Variants in GRIA3 observed in about 807,000 individuals in gnomAD.
GRIA3 encodes glutamate ionotropic receptor AMPA type subunit 3.
A neutral mutation model predicts 63.0 loss-of-function variants in GRIA3; 3 were observed. That is an observed-to-expected ratio of 0.05 (90% CI 0.02 to 0.12). The LOEUF is 0.12. Ranked by LOEUF, GRIA3 falls within the 10% of genes least tolerant of loss-of-function variation. The pLI is 1.00. For synonymous variants in GRIA3, 274 were observed against 257.9 expected (o/e 1.06, Z -0.60); for missense variants, 347 against 700.9 (o/e 0.50, Z 5.70).
intron 12 of GRIA3, among the ~76,000 whole-genome samples, chrX:123,459,783 T>C (rs2147426658): frequency 9.1e-6 from 1 of 109,761 alleles, no homozygotes; most frequent in African/African-American, 3.3e-5. Flanking sequence ...GTCCCTTTTA[T>C]TGCCTTCTTT....
In GRIA3 at chrX:123,351,737, G is replaced by A. The variant is rs188176299; in HGVS notation, c.697-3173G>A. Among the ~76,000 whole-genome samples, 49 of 111,883 alleles carry A rather than the reference G, an allele frequency of 4.4e-4. No homozygotes were observed. The East Asian group carries it at 6.5e-3, about 15-fold the overall frequency. ...GCAGCTTTTAATTTACTGTGAACTG[G>A]AAAACCAAGATTGGTAAGAACTATA... On this transcript the variant is annotated intron_variant, in intron 4 of 15. Transcript: ENST00000620443.
intron 3 of GRIA3, among the ~76,000 whole-genome samples, chrX:123,280,568 C>T (rs2044580245): frequency 8.9e-6 from 1 of 111,923 alleles, no homozygotes; most frequent in African/African-American, 3.2e-5. Context: ...CTAGTTTGGT[C>T]TACTTTTGGC....
At chrX:123,300,360 CTTTTTTTTTTT>C (rs147031319) in intron 3 of GRIA3, among the ~76,000 whole-genome samples, 9 of 22,511 alleles carry the variant, frequency 4.0e-4, no homozygotes, top group Non-Finnish European at 6.5e-4. Context: ...TGGTCCTGGG[CTTTTTTTTTTT>C]TTTTTTTTTT....
chrX:123,351,653 C>G (rs1050898191), intron 4 of GRIA3, among the ~76,000 whole-genome samples: 1 of 111,859 alleles, frequency 8.9e-6, no homozygotes, highest in Non-Finnish European at 1.9e-5. Flanking sequence ...ACTTCCACTG[C>G]TACTAATGTA....
intron 2 of GRIA3, among the ~76,000 whole-genome samples, chrX:123,210,796 T>G (rs1928023393): frequency 8.9e-6 from 1 of 112,172 alleles, no homozygotes; most frequent in Admixed American, 9.4e-5. Flanking sequence ...CTTGCTTTTC[T>G]TCTTTATCTA....
chrX:123,228,021 C>T (rs1200351918), intron 2 of GRIA3, among the ~76,000 whole-genome samples: 3 of 112,249 alleles, frequency 2.7e-5, no homozygotes. Flanking sequence ...AGCCTTTCAG[C>T]TCCTCCTGTC....
intron 2 of GRIA3, among the ~76,000 whole-genome samples, chrX:123,195,897 G>A (rs1051193893): frequency 7.2e-5 from 8 of 111,418 alleles, no homozygotes; most frequent in African/African-American, 2.3e-4. Flanking sequence ...AATACTTGTG[G>A]TGCCATGTAC....
chrX:123,395,932 A>G (rs913455181), intron 6 of GRIA3, among the ~76,000 whole-genome samples: 1 of 110,658 alleles, frequency 9.0e-6, no homozygotes, highest in African/African-American at 3.3e-5. Context: ...GTGGTACGAA[A>G]TAGGGGATCA....
intron 12 of GRIA3, among the ~76,000 whole-genome samples, chrX:123,464,389 T>G (rs1283160552): frequency 9.0e-6 from 1 of 111,690 alleles, no homozygotes; most frequent in East Asian, 2.8e-4. Flanking sequence ...AGGAGGTACT[T>G]TCTTACAATA....
At chrX:123,477,433 G>A (rs1231162327) in intron 13 of GRIA3, among the ~76,000 whole-genome samples, 2 of 111,917 alleles carry the variant, frequency 1.8e-5, no homozygotes, top group Admixed American at 1.9e-4. Flanking sequence ...CTATATTTCT[G>A]TAAATCTCTT....
At position 123,301,166 on chromosome X, in the gene GRIA3, T is replaced by C. The variant is rs141343738; in HGVS notation, c.509-24860T>C. On this transcript the variant is annotated intron_variant, in intron 3 of 15. Coordinates refer to ENST00000620443, the MANE Select transcript of GRIA3 (RefSeq NM_007325.5). ...TCTGTTGTTTTTGGGTAGAGAGTTC[T>C]GTAGATATCTATCAGGTCCGTTTGG... is the stretch of plus-strand genomic sequence containing the variant. 6.6e-3 allele frequency among the ~76,000 whole-genome samples: 733 copies of C among 111,341 alleles called. 6 individuals are homozygous for C. The East Asian group carries it at 0.069, about 10-fold the overall frequency.
chrX:123,262,429 T>C (rs1200321722), intron 3 of GRIA3, among the ~76,000 whole-genome samples: 1 of 111,474 alleles, frequency 9.0e-6, no homozygotes, highest in Non-Finnish European at 1.9e-5. Context: ...GACAGTATCC[T>C]TCTCCACGCT....
chrX:123,235,342 C>T (rs1036763745), intron 2 of GRIA3, among the ~76,000 whole-genome samples: 5 of 111,911 alleles, frequency 4.5e-5, no homozygotes, highest in East Asian at 2.8e-4. Context: ...AAATGTAGTA[C>T]TCATGAAAAG....
At chrX:123,265,808 C>A (rs1361014577) in intron 3 of GRIA3, among the ~76,000 whole-genome samples, 1 of 112,423 alleles carries the variant, frequency 8.9e-6, no homozygotes, top group Non-Finnish European at 1.9e-5. Flanking sequence ...TGTTTCCCTT[C>A]GTGTTCATTT....
chrX:123,233,309 C>T (rs1460119443), intron 2 of GRIA3, among the ~76,000 whole-genome samples: 1 of 111,947 alleles, frequency 8.9e-6, no homozygotes, highest in African/African-American at 3.2e-5. Context: ...TACTGAACAG[C>T]CTTCCGAATG....
intron 3 of GRIA3, among the ~76,000 whole-genome samples, chrX:123,283,547 G>C (rs1263098385): frequency 9.0e-6 from 1 of 111,383 alleles, no homozygotes; most frequent in East Asian, 2.8e-4. Context: ...TGAGATGCTG[G>C]AGCTTGGTGG....
chrX:123,451,866 T>C (rs1186791946), intron 12 of GRIA3, among the ~76,000 whole-genome samples: 1 of 111,547 alleles, frequency 9.0e-6, no homozygotes, highest in East Asian at 2.8e-4. Flanking sequence ...ATCAGTTAGG[T>C]AGATGGATAA....
intron 3 of GRIA3, among the ~76,000 whole-genome samples, chrX:123,293,088 A>G (rs2044665433): frequency 9.1e-6 from 1 of 110,374 alleles, no homozygotes; most frequent in African/African-American, 3.3e-5. Context: ...TTAGAATCCA[A>G]GCAGAACTCA....
chrX:123,414,585 C>T (rs1298047046), intron 10 of GRIA3, among the ~76,000 whole-genome samples: 7 of 101,145 alleles, frequency 6.9e-5, no homozygotes, highest in South Asian at 5.1e-4. Flanking sequence ...CCCCCACCCC[C>T]GACAGGCCCC....
Sources: gnomAD v4.1 joint callset for allele counts (sites outside exome capture counted in the v4.1 genomes callset) on GRCh38, gnomAD v4.1.1 for gene constraint, MANE v1.5 for transcripts, NCBI Gene and HGNC (gene_info 2026-07-23, HGNC 2026-07-21) for gene names.